SEC61G: variants seen among roughly 807,000 people sequenced by gnomAD.
The protein encoded by SEC61G is protein transport protein Sec61 subunit gamma.
In SEC61G, 4 loss-of-function variants were observed where a neutral mutation model predicts 7.5. That is an observed-to-expected ratio of 0.54 (90% CI 0.26 to 1.22). The LOEUF is 1.22. Among genes scored for constraint, SEC61G ranks in the 50% most tolerant of loss-of-function variants. The pLI is 0.12. For missense variants in SEC61G, 53 were observed against 84.6 expected (o/e 0.63, Z 1.46); for synonymous variants, 24 against 24.4 (o/e 0.98, Z 0.05).
At chr7:54,758,520 T>C (rs1583717052) in intron 1 of SEC61G, among the ~76,000 whole-genome samples, 1 of 152,340 alleles carries the variant, frequency 6.6e-6, no homozygotes, top group African/African-American at 2.4e-5. Context: ...CCAGGAATTC[T>C]GCAACGTTCT....
At chr7:54,757,193 A>G in intron 2 of SEC61G, among the ~76,000 whole-genome samples, 1 of 151,872 alleles carries the variant, frequency 6.6e-6, no homozygotes, top group East Asian at 1.9e-4. Context: ...GAGTAGGGAG[A>G]CTTCAAAGCT....
In SEC61G at chr7:54,752,300, G is replaced by GAAA; in HGVS notation, c.*108_*110dup. 2.0e-6 allele frequency: 1 copy of GAAA among 491,550 alleles called. No individual in the cohort carries two copies. Among genetic ancestry groups the GAAA allele is most frequent in the South Asian group, 4.0e-5 (1 of 24,860 alleles). The allele number at this position is 491,550 out of a possible 1,614,324, so 30.4% of individuals were successfully genotyped here. ...TTAGAAATAGAAAACATCTTGAAAG[G>GAAA]AAAAAAAAAAACCCACAAAACATAC... On this transcript the variant is annotated 3_prime_UTR_variant, in exon 4 of 4. Transcript: ENST00000352861.
intron 1 of SEC61G, 94 bp downstream of exon 1, chr7:54,759,064 G>A (rs1421428033): frequency 1.6e-5 from 7 of 426,028 alleles, no homozygotes; most frequent in Non-Finnish European, 2.9e-5. Context: ...GCCGCCCGGG[G>A]AGACACGCCG....
Position 54,755,774 on chromosome 7 carries a change from C to T in SEC61G, c.197+5G>A. On this transcript the variant is annotated splice_donor_5th_base_variant and intron_variant, in intron 3 of 3. Transcript: ENST00000352861. ...ATCCTAGTCTATTTCATAAAGTTTA[C>T]TTACACAATGATGTTATTAATAGGA... is the stretch of plus-strand genomic sequence containing the variant. 1 of 1,454,494 alleles carries T rather than the reference C, an allele frequency of 6.9e-7. No individual in the cohort carries two copies. Among genetic ancestry groups the T allele is most frequent in the Non-Finnish European group, 9.5e-7 (1 of 1,056,900 alleles). 90.1% of individuals were successfully genotyped at this position (1,454,494 alleles called of 1,614,324 possible).
At chr7:54,757,649 T>A in intron 1 of SEC61G, 55 bp from the exon 2 acceptor site, 1 of 1,397,256 alleles carries the variant, frequency 7.2e-7, no homozygotes, top group Non-Finnish European at 1.0e-6. Context: ...AATAAGCACT[T>A]GCTCATTTAT....
At position 54,759,179 on chromosome 7, in the gene SEC61G, T is replaced by G. The variant is rs771654300; in HGVS notation, c.-28A>C. On this transcript the variant is annotated 5_prime_UTR_variant, in exon 1 of 4. Transcript: ENST00000352861. The stretch of plus-strand genomic sequence containing the variant: ...TCACCTACCCAACCGACACCTAAAA[T>G]GCCAGGGACACGTAGCACTGGAGCT... 1.9e-6 allele frequency: 1 copy of G among 518,988 alleles called. No individual in the cohort carries two copies. The highest frequency in any genetic ancestry group is 1.4e-5 in the South Asian group (1 of 71,586). 32.1% of individuals were successfully genotyped at this position (518,988 alleles called of 1,614,324 possible). A position where few individuals can be genotyped will look rare whatever the true frequency, so the allele number is the denominator to read the frequency against.
chr7:54,755,832 T>A lies in SEC61G; in HGVS notation c.144A>T (p.Gly48=). ...MATAIGFAIM[G]FIGFFVKLIH... ...TCAATTTCACAAAGAAGCCAATGAA[T>A]CCCATTATAGCAAATCCTATTGCTG... Residue 48 remains glycine, a synonymous_variant, in exon 3 of 4, where the codon GGA becomes GGT. Transcript: ENST00000352861. 1 of 1,595,994 alleles carries A rather than the reference T, an allele frequency of 6.3e-7. No individual in the cohort carries two copies. The highest frequency in any genetic ancestry group is 1.3e-5 in the African/African-American group (1 of 74,432).
chr7:54,758,552 T>C (rs1425001503), intron 1 of SEC61G, among the ~76,000 whole-genome samples: 3 of 152,200 alleles, frequency 2.0e-5, no homozygotes, highest in Non-Finnish European at 4.4e-5. Flanking sequence ...CACAGTAATG[T>C]CTGTTTTCTC....
At chr7:54,756,244 T>C (rs1017630076) in intron 2 of SEC61G, among the ~76,000 whole-genome samples, 12 of 151,134 alleles carry the variant, frequency 7.9e-5, no homozygotes, top group African/African-American at 3.0e-4. Context: ...AAATGTAACA[T>C]TGTAATTTTT....
intron 1 of SEC61G, among the ~76,000 whole-genome samples, chr7:54,758,633 G>A (rs953772874): frequency 5.9e-5 from 9 of 152,152 alleles, no homozygotes; most frequent in Non-Finnish European, 1.3e-4. Context: ...TGTCACGAAG[G>A]AAGCTAAGAA....
chr7:54,758,405 G>A lies in SEC61G; in HGVS notation c.-7+753C>T, dbSNP rs74851333. Among the ~76,000 whole-genome samples the A allele has an allele frequency of 7.8e-3, 1,184 of 152,278 alleles. 12 individuals are homozygous for A. The highest frequency in any genetic ancestry group is 0.02 in the Middle Eastern group (6 of 294). On this transcript the variant is annotated intron_variant, in intron 1 of 3. Transcript: ENST00000352861. ...TTCCAGTACTCAGAACAGTGGCCAG[G>A]TGGTAGTTCAAATCACTGGCTATGG...
chr7:54,755,934 TG>T, intron 2 of SEC61G, 53 bp from the exon 3 acceptor site: 1 of 1,060,636 alleles, frequency 9.4e-7, no homozygotes. Context: ...ACTGAAAGTA[TG>T]GGAAAAAAAC....
At chr7:54,757,823 G>A (rs1318189170) in intron 1 of SEC61G, among the ~76,000 whole-genome samples, 1 of 152,166 alleles carries the variant, frequency 6.6e-6, no homozygotes, top group African/African-American at 2.4e-5. Context: ...TCTTACTCAT[G>A]ATATCTTCAC....
At chr7:54,757,912 T>A (rs1791552311) in intron 1 of SEC61G, among the ~76,000 whole-genome samples, 1 of 152,200 alleles carries the variant, frequency 6.6e-6, no homozygotes, top group Non-Finnish European at 1.5e-5. Context: ...TGGTAACACA[T>A]CCATTCCTTT....
At chr7:54,758,861 A>G (rs1791576529) in intron 1 of SEC61G, among the ~76,000 whole-genome samples, 2 of 152,174 alleles carry the variant, frequency 1.3e-5, no homozygotes, top group Non-Finnish European at 2.9e-5. Flanking sequence ...GGGCAGCAGG[A>G]CATCATCTTT....
chr7:54,753,848 C>T (rs1344411700), intron 3 of SEC61G, among the ~76,000 whole-genome samples: 1 of 152,168 alleles, frequency 6.6e-6, no homozygotes, highest in Admixed American at 6.5e-5. Flanking sequence ...CCTGTTTCCT[C>T]ATGAAGATTA....
At chr7:54,756,908 T>C (rs1281504122) in intron 2 of SEC61G, among the ~76,000 whole-genome samples, 1 of 148,186 alleles carries the variant, frequency 6.7e-6, no homozygotes, top group South Asian at 2.1e-4. Context: ...TACTATAATA[T>C]ATACATGTTA....
chr7:54,757,190 G>C (rs979424873), intron 2 of SEC61G, among the ~76,000 whole-genome samples: 19 of 151,964 alleles, frequency 1.3e-4, no homozygotes, highest in African/African-American at 3.6e-4. Flanking sequence ...GCTGAGTAGG[G>C]AGACTTCAAA....
chr7:54,752,847 T>C (rs181472136), intron 3 of SEC61G, among the ~76,000 whole-genome samples: 7 of 152,290 alleles, frequency 4.6e-5, no homozygotes, highest in African/African-American at 1.7e-4. Flanking sequence ...CCATAATCAT[T>C]CCAAAATCTG....
Sources: allele counts gnomAD v4.1 joint callset (sites outside exome capture counted in the v4.1 genomes callset), GRCh38; gene constraint gnomAD v4.1.1; transcripts MANE v1.5; gene names NCBI Gene and HGNC (gene_info 2026-07-23, HGNC 2026-07-21).